Variants in GMDS observed in about 807,000 individuals in gnomAD.
GMDS encodes GDP-mannose 4,6-dehydratase.
In GMDS, 20 loss-of-function variants were observed where a neutral mutation model predicts 49.9. The ratio of observed to expected loss-of-function variants is 0.40; its 90% CI spans 0.28 to 0.58. The LOEUF (loss-of-function observed/expected upper bound fraction) is 0.58, where lower values mean the gene tolerates loss of function less well. Ranked by LOEUF, GMDS falls within the 20% of genes least tolerant of loss-of-function variation. The pLI is 0.42. For synonymous variants in GMDS, 177 were observed against 178.6 expected (o/e 0.99, Z 0.07); for missense variants, 362 against 481.4 (o/e 0.75, Z 2.32).
At chr6:1,885,658 G>C (rs1047849534) in intron 7 of GMDS, among the ~76,000 whole-genome samples, 1 of 152,212 alleles carries the variant, frequency 6.6e-6, no homozygotes, top group Non-Finnish European at 1.5e-5. Context: ...AGTCCACCTT[G>C]TCAGTCTGTG....
intron 4 of GMDS, among the ~76,000 whole-genome samples, chr6:2,031,174 G>C (rs570552737): frequency 6.6e-6 from 1 of 152,334 alleles, no homozygotes; most frequent in East Asian, 1.9e-4. Flanking sequence ...CATGGATTTT[G>C]AATTTCAAAC....
At chr6:1,898,955 G>A (rs925718894) in intron 7 of GMDS, among the ~76,000 whole-genome samples, 5 of 152,110 alleles carry the variant, frequency 3.3e-5, no homozygotes, top group Non-Finnish European at 5.9e-5. Flanking sequence ...TAATTACAAC[G>A]GCGATAAATG....
At chr6:2,084,584 G>A (rs1025563331) in intron 4 of GMDS, among the ~76,000 whole-genome samples, 1 of 152,020 alleles carries the variant, frequency 6.6e-6, no homozygotes, top group African/African-American at 2.4e-5. Flanking sequence ...TTGACTCACT[G>A]CAAGCTCCGC....
chr6:1,870,159 G>A (rs1484639452), intron 7 of GMDS, among the ~76,000 whole-genome samples: 1 of 152,186 alleles, frequency 6.6e-6, no homozygotes, highest in East Asian at 1.9e-4. Flanking sequence ...TAATTCAGTG[G>A]CCCTTTAATG....
rs538077890 is a variant in GMDS at position 2,118,078 on chromosome 6, G to A, written c.148-522C>T. Among the ~76,000 whole-genome samples the A allele has an allele frequency of 8.5e-5, 13 of 152,232 alleles. 1 individual carries two copies. The South Asian group carries it at 2.5e-3, about 29-fold the overall frequency. On this transcript the variant is annotated intron_variant, in intron 2 of 10. Coordinates refer to ENST00000380815, the MANE Select transcript of GMDS (RefSeq NM_001500.4). ...TGCAGCTAAGTAGAAAAGTCGGAAAGCTAAAGAGCATGGGTAAGAGACAGC... is the reference window on the plus strand; with the variant it reads ...TGCAGCTAAGTAGAAAAGTCGGAAAACTAAAGAGCATGGGTAAGAGACAGC...
At chr6:2,111,884 T>C (rs748708721) in intron 4 of GMDS, among the ~76,000 whole-genome samples, 5 of 152,200 alleles carry the variant, frequency 3.3e-5, no homozygotes, top group African/African-American at 4.8e-5. Flanking sequence ...TTCATCCTAA[T>C]TCCTTCCCTA....
At chr6:2,186,829 T>G (rs924417083) in intron 1 of GMDS, among the ~76,000 whole-genome samples, 1 of 152,250 alleles carries the variant, frequency 6.6e-6, no homozygotes, top group Non-Finnish European at 1.5e-5. Flanking sequence ...AAAAGAAGTC[T>G]GTATTTGGAT....
chr6:1,735,855 T>G (rs1766985819), intron 8 of GMDS, among the ~76,000 whole-genome samples: 1 of 152,248 alleles, frequency 6.6e-6, no homozygotes, highest in Non-Finnish European at 1.5e-5. Context: ...GTGTTCTTAT[T>G]AATTGACACC....
At chr6:2,100,990 T>C (rs534635371) in intron 4 of GMDS, among the ~76,000 whole-genome samples, 7 of 152,132 alleles carry the variant, frequency 4.6e-5, no homozygotes, top group South Asian at 2.1e-4. Flanking sequence ...TATGTTATTA[T>C]GAAAGATATT....
At chr6:2,063,657 G>A (rs1312724708) in intron 4 of GMDS, among the ~76,000 whole-genome samples, 1 of 152,190 alleles carries the variant, frequency 6.6e-6, no homozygotes, top group Non-Finnish European at 1.5e-5. Context: ...CAATAAAAGA[G>A]GTGAATGCCA....
At chr6:2,002,966 T>C (rs1172550888) in intron 4 of GMDS, among the ~76,000 whole-genome samples, 1 of 152,184 alleles carries the variant, frequency 6.6e-6, no homozygotes, top group Non-Finnish European at 1.5e-5. Context: ...ATAAACCTTT[T>C]TTCCAACTAC....
chr6:1,788,139 G>A (rs1769393068), intron 7 of GMDS, among the ~76,000 whole-genome samples: 1 of 152,162 alleles, frequency 6.6e-6, no homozygotes, highest in African/African-American at 2.4e-5. Flanking sequence ...GGCACAGAGA[G>A]GAAACCATGA....
At chr6:1,897,094 C>G (rs928689032) in intron 7 of GMDS, among the ~76,000 whole-genome samples, 3 of 152,196 alleles carry the variant, frequency 2.0e-5, no homozygotes, top group Non-Finnish European at 4.4e-5. Flanking sequence ...GGCTGCTTAG[C>G]TGGTTAGGGC....
intron 7 of GMDS, among the ~76,000 whole-genome samples, chr6:1,760,541 C>G (rs944540761): frequency 6.6e-6 from 1 of 152,250 alleles, no homozygotes; most frequent in African/African-American, 2.4e-5. Flanking sequence ...GTGTCATCAA[C>G]CCATGGCCCC....
intron 4 of GMDS, among the ~76,000 whole-genome samples, chr6:1,988,099 A>G (rs1006118917): frequency 2.0e-5 from 3 of 152,196 alleles, no homozygotes; most frequent in African/African-American, 7.2e-5. Context: ...TATAACATAT[A>G]CTATTTTCTT....
chr6:1,955,976 T>C (rs1315795265), intron 6 of GMDS, among the ~76,000 whole-genome samples: 1 of 152,204 alleles, frequency 6.6e-6, no homozygotes, highest in Non-Finnish European at 1.5e-5. Context: ...TTGGTCATAG[T>C]GCTTGATCCT....
At chr6:1,911,476 T>A (rs1761050440) in intron 7 of GMDS, among the ~76,000 whole-genome samples, 1 of 152,004 alleles carries the variant, frequency 6.6e-6, no homozygotes, top group African/African-American at 2.4e-5. Flanking sequence ...TATTCAGTAA[T>A]CTGTCAAACA....
chr6:2,086,829 A>C (rs1773044360), intron 4 of GMDS, among the ~76,000 whole-genome samples: 1 of 152,224 alleles, frequency 6.6e-6, no homozygotes, highest in African/African-American at 2.4e-5. Context: ...GGCCGACTAT[A>C]ATAGTTTTCC....
At chr6:1,786,296 C>T (rs1452458792) in intron 7 of GMDS, among the ~76,000 whole-genome samples, 1 of 152,208 alleles carries the variant, frequency 6.6e-6, no homozygotes, top group Admixed American at 6.5e-5. Context: ...AAATGCAATG[C>T]CTCAGTAAAA....
Sources: gnomAD v4.1 joint callset for allele counts (sites outside exome capture counted in the v4.1 genomes callset) on GRCh38, gnomAD v4.1.1 for gene constraint, MANE v1.5 for transcripts, NCBI Gene and HGNC (gene_info 2026-07-23, HGNC 2026-07-21) for gene names.